NGLY1: variants seen among roughly 807,000 people sequenced by gnomAD.
NGLY1 encodes N-glycanase 1.
In NGLY1, 68 loss-of-function variants were observed where a neutral mutation model predicts 84.6. The ratio of observed to expected loss-of-function variants is 0.80; its 90% CI spans 0.66 to 0.98. The LOEUF is 0.98. Among genes scored for constraint, NGLY1 ranks in the 50% least tolerant of loss-of-function variants. The pLI is 0.00. For missense variants in NGLY1, 779 were observed against 770.2 expected, an observed-to-expected ratio of 1.01 and a Z score of -0.14; for synonymous variants, 280 against 275.2, an observed-to-expected ratio of 1.02 and a Z score of -0.17.
At position 25,739,619 on chromosome 3, in the gene NGLY1, T is replaced by C. The variant is rs1706022201; in HGVS notation, c.839A>G (p.Asp280Gly). 3 of 1,614,128 alleles carry C rather than the reference T, an allele frequency of 1.9e-6. No homozygotes were observed. Among genetic ancestry groups the C allele is most frequent in the Non-Finnish European group, 2.5e-6 (3 of 1,179,994 alleles). The change falls in exon 5 of 12, where the codon GAT (aspartate) becomes GGT (glycine). Residue 280 changes from aspartate (D) to glycine (G), a missense_variant. By Grantham distance (94) the Asp-to-Gly change is moderately conservative (BLOSUM62 -1). Coordinates refer to ENST00000280700, the MANE Select transcript of NGLY1 (RefSeq NM_018297.4). ...GAACTGGCAGGCATCACAGTAATGA[T>C]CTTCCACTTCCTTTGCACCCCACTT... ...ELKWGAKEVEDHYCDACQFSN... is the reference protein window; with the variant it reads ...ELKWGAKEVEGHYCDACQFSN...
chr3:25,764,819 A>G (rs574055429), intron 2 of NGLY1, among the ~76,000 whole-genome samples: 3 of 152,358 alleles, frequency 2.0e-5, no homozygotes, highest in African/African-American at 4.8e-5. Context: ...GAATAGCTAC[A>G]TGATTAGAAG....
intron 2 of NGLY1, among the ~76,000 whole-genome samples, chr3:25,768,006 G>A (rs1175546834): frequency 2.0e-5 from 3 of 150,940 alleles, no homozygotes; most frequent in South Asian, 2.1e-4. Flanking sequence ...CCAGCTACTC[G>A]GGAGGCTGAG....
At chr3:25,760,622 G>A (rs572844406) in intron 3 of NGLY1, among the ~76,000 whole-genome samples, 4 of 152,208 alleles carry the variant, frequency 2.6e-5, no homozygotes, top group Admixed American at 2.6e-4. Flanking sequence ...CACTTTGGGA[G>A]GCCAAGGTGG....
intron 4 of NGLY1, among the ~76,000 whole-genome samples, chr3:25,745,604 G>C (rs909332806): frequency 6.6e-6 from 1 of 152,102 alleles, no homozygotes; most frequent in African/African-American, 2.4e-5. Context: ...CCTATTGACT[G>C]CAAATTCCAC....
chr3:25,774,509 TTA>T (rs915484091), intron 2 of NGLY1, among the ~76,000 whole-genome samples: 121 of 151,856 alleles, frequency 8.0e-4, no homozygotes, highest in African/African-American at 2.8e-3. Flanking sequence ...GCCAATGGAG[TTA>T]TGTTTCCAGG....
intron 1 of NGLY1, among the ~76,000 whole-genome samples, chr3:25,782,109 T>C (rs111288546): frequency 1.3e-5 from 2 of 152,272 alleles, no homozygotes; most frequent in African/African-American, 4.8e-5. Flanking sequence ...GCATCTTTCA[T>C]AGCATCTGCC....
Position 25,719,012 on chromosome 3 carries a change from T to C in NGLY1, c.*448A>G, listed in dbSNP as rs1704842159. On this transcript the variant is annotated 3_prime_UTR_variant, in exon 12 of 12. Coordinates refer to ENST00000280700, the MANE Select transcript of NGLY1 (RefSeq NM_018297.4). ...TATAATCATATAAATTTTCATGCAT[T>C]ATATAATTTATGAGCTACTGTACTT... 6.6e-6 allele frequency: 1 copy of C among 152,328 alleles called. No individual in the cohort carries two copies. The highest frequency in any genetic ancestry group is 2.1e-4 in the South Asian group (1 of 4,836). 9.4% of individuals were successfully genotyped at this position (152,328 alleles called of 1,614,324 possible).
At chr3:25,777,368 C>A (rs997239848) in intron 2 of NGLY1, among the ~76,000 whole-genome samples, 12 of 126,014 alleles carry the variant, frequency 9.5e-5, no homozygotes, top group Admixed American at 4.5e-4. Context: ...GCACTCCAGC[C>A]TGGGCAACAA....
At chr3:25,735,129 T>C (rs892388648) in intron 7 of NGLY1, 2 of 153,196 alleles carry the variant, frequency 1.3e-5, no homozygotes, top group Admixed American at 6.5e-5. Flanking sequence ...AAACAAAACA[T>C]AGGAGAAAAT....
chr3:25,774,796 G>A (rs1204514523), intron 2 of NGLY1, among the ~76,000 whole-genome samples: 2 of 149,606 alleles, frequency 1.3e-5, no homozygotes, highest in African/African-American at 2.5e-5. Flanking sequence ...TGCAGTATCT[G>A]CATTTCCCAT....
chr3:25,749,450 C>G, intron 4 of NGLY1: 1 of 1,163,808 alleles, frequency 8.6e-7, no homozygotes, highest in Non-Finnish European at 1.3e-6. Flanking sequence ...CTCCTCAGCA[C>G]TGCCTACAGA....
chr3:25,719,894 T>G, intron 11 of NGLY1, 120 bp downstream of exon 11: 1 of 907,808 alleles, frequency 1.1e-6, no homozygotes. Flanking sequence ...TTTTTTTTTT[T>G]TACTGAAATA....
chr3:25,782,129 G>T (rs1708446583), intron 1 of NGLY1, among the ~76,000 whole-genome samples: 1 of 152,046 alleles, frequency 6.6e-6, no homozygotes, highest in Non-Finnish European at 1.5e-5. Context: ...CACAAAATAA[G>T]GGCTCAATAT....
intron 7 of NGLY1, 78 bp from the exon 8 acceptor site, chr3:25,734,060 T>C (rs1705693243): frequency 8.3e-6 from 13 of 1,560,314 alleles, no homozygotes; most frequent in East Asian, 2.3e-5. Flanking sequence ...CTAGAATGTA[T>C]GTAATTTTTA....
At chr3:25,772,516 A>G (rs1451829833) in intron 2 of NGLY1, among the ~76,000 whole-genome samples, 1 of 151,812 alleles carries the variant, frequency 6.6e-6, no homozygotes, top group Non-Finnish European at 1.5e-5. Flanking sequence ...CCTTTACCTT[A>G]AGTTTATGTT....
At chr3:25,781,282 T>G (rs1403863171) in intron 1 of NGLY1, among the ~76,000 whole-genome samples, 1 of 152,128 alleles carries the variant, frequency 6.6e-6, no homozygotes, top group African/African-American at 2.4e-5. Flanking sequence ...TCTCTGGACC[T>G]CACATTAATC....
At chr3:25,785,302 A>G (rs1053791221), upstream of NGLY1, among the ~76,000 whole-genome samples, 2 of 152,062 alleles carry the variant, frequency 1.3e-5, no homozygotes, top group African/African-American at 4.8e-5. Flanking sequence ...AAAAAAATTT[A>G]AAAACACATA....
chr3:25,786,704 GA>G (rs1708610016), upstream of NGLY1, among the ~76,000 whole-genome samples: 1 of 152,186 alleles, frequency 6.6e-6, no homozygotes, highest in South Asian at 2.1e-4. Context: ...TGTTGCTAAA[GA>G]GTTATTTGGA....
chr3:25,755,005 A>T, intron 3 of NGLY1: 2 of 858,158 alleles, frequency 2.3e-6, no homozygotes, highest in Non-Finnish European at 4.1e-6. Flanking sequence ...AGGATATGGG[A>T]ATCACAGACT....
Sources: allele counts gnomAD v4.1 joint callset (sites outside exome capture counted in the v4.1 genomes callset), GRCh38; gene constraint gnomAD v4.1.1; transcripts MANE v1.5; gene names NCBI Gene and HGNC (gene_info 2026-07-23, HGNC 2026-07-21).